The following CLYBL variants were observed in gnomAD, a reference collection of about 807,000 sequenced individuals.
CLYBL encodes citramalyl-CoA lyase, mitochondrial.
CLYBL carries 31 observed loss-of-function variants against 38.9 expected under a neutral mutation model. The observed-to-expected ratio is 0.80, with a 90% CI of 0.60 to 1.08. CLYBL has a LOEUF of 1.08. CLYBL is among the 50% of genes least tolerant of loss of function. CLYBL has a pLI of 0.00. For synonymous variants in CLYBL, 171 were observed against 158.6 expected (o/e 1.08, Z -0.59); for missense variants, 434 against 411.6 (o/e 1.05, Z -0.47).
intron 1 of CLYBL, among the ~76,000 whole-genome samples, chr13:99,617,685 A>G (rs1324250977): frequency 1.3e-5 from 2 of 152,212 alleles, no homozygotes; most frequent in African/African-American, 2.4e-5. Context: ...GGCAAATGAA[A>G]GACACATGGA....
chr13:99,831,534 ATCCCGGAAC>A (rs770944413), intron 2 of CLYBL, among the ~76,000 whole-genome samples: 3 of 152,192 alleles, frequency 2.0e-5, no homozygotes, highest in Non-Finnish European at 4.4e-5. Flanking sequence ...CTGCACATAT[ATCCCGGAAC>A]TTAAAATAAA....
intron 1 of CLYBL, among the ~76,000 whole-genome samples, chr13:99,754,087 CAAAAAAAAAAAA>C (rs71121003): frequency 7.3e-4 from 33 of 45,408 alleles, no homozygotes; most frequent in East Asian, 8.2e-4. Context: ...AACTCGGTCT[CAAAAAAAAAAAA>C]AAAAAAAAAA....
intron 1 of CLYBL, among the ~76,000 whole-genome samples, chr13:99,705,993 A>C (rs1182069974): frequency 6.6e-6 from 1 of 150,996 alleles, no homozygotes; most frequent in East Asian, 2.0e-4. Context: ...GTGCAATGGC[A>C]TGATCTCGGC....
chr13:99,745,519 A>C (rs937435297), intron 1 of CLYBL, among the ~76,000 whole-genome samples: 3 of 152,240 alleles, frequency 2.0e-5, no homozygotes, highest in African/African-American at 7.2e-5. Flanking sequence ...TCTTACCTTA[A>C]ATAGATATTT....
chr13:99,794,186 C>G (rs370014753), intron 2 of CLYBL, among the ~76,000 whole-genome samples: 5 of 152,040 alleles, frequency 3.3e-5, no homozygotes, highest in African/African-American at 1.2e-4. Flanking sequence ...TTTGGGAGGC[C>G]GAGGCAGGCA....
At position 99,808,192 on chromosome 13, in the gene CLYBL, TCTC is replaced by T. The variant is rs1166919477; in HGVS notation, c.249+35185_249+35187del. The stretch of plus-strand genomic sequence containing the variant: ...CGTGGACCGCCTGGGCTCAAGCAAT[TCTC>T]CTGCCTCAGCCTCCTGAGTAGCTGG... On this transcript the variant is annotated intron_variant, in intron 2 of 8. Transcript: ENST00000339105. Among the ~76,000 whole-genome samples, 4 of 152,286 alleles carry T rather than the reference TCTC, an allele frequency of 2.6e-5. No individual in the cohort carries two copies. In the East Asian group the frequency reaches 7.7e-4, roughly 29 times the overall value.
downstream of CLYBL, chr13:99,893,066 G>A (rs2052523577): frequency 6.6e-6 from 1 of 152,296 alleles, no homozygotes. Context: ...CTCCTAAATG[G>A]AGATGGCACA....
chr13:99,764,460 A>G (rs948575537), intron 1 of CLYBL, among the ~76,000 whole-genome samples: 7 of 152,086 alleles, frequency 4.6e-5, no homozygotes, highest in African/African-American at 1.7e-4. Context: ...TTCATGGTTC[A>G]ATCTTGGTAG....
intron 2 of CLYBL, among the ~76,000 whole-genome samples, chr13:99,781,320 A>G (rs370950808): frequency 4.0e-5 from 6 of 151,190 alleles, no homozygotes; most frequent in African/African-American, 7.3e-5. Context: ...ACAGGCGCCC[A>G]CCACCATGCC....
At chr13:99,774,162 G>A (rs1263557735) in intron 2 of CLYBL, among the ~76,000 whole-genome samples, 1 of 152,130 alleles carries the variant, frequency 6.6e-6, no homozygotes, top group African/African-American at 2.4e-5. Context: ...GAGCCCGAGA[G>A]TTTGAGGCTG....
chr13:99,832,290 G>A (rs148101984), intron 2 of CLYBL, among the ~76,000 whole-genome samples: 54 of 152,260 alleles, frequency 3.5e-4, no homozygotes, highest in African/African-American at 1.2e-3. Context: ...TCCATGGTGC[G>A]AGACCACTGG....
At chr13:99,843,868 C>T (rs995219909) in intron 2 of CLYBL, among the ~76,000 whole-genome samples, 5 of 152,188 alleles carry the variant, frequency 3.3e-5, no homozygotes, top group Admixed American at 2.0e-4. Context: ...TCCCAAAGTG[C>T]TGAGATTACA....
At chr13:99,668,109 A>C (rs1364765904) in intron 1 of CLYBL, among the ~76,000 whole-genome samples, 1 of 152,074 alleles carries the variant, frequency 6.6e-6, no homozygotes, top group Non-Finnish European at 1.5e-5. Context: ...CCCTGTCTCT[A>C]CATAAAATAC....
At chr13:99,680,292 G>A (rs2047716457) in intron 1 of CLYBL, among the ~76,000 whole-genome samples, 1 of 152,126 alleles carries the variant, frequency 6.6e-6, no homozygotes. Context: ...CGATGATGCA[G>A]TCCACCCTTC....
intron 2 of CLYBL, among the ~76,000 whole-genome samples, chr13:99,831,513 A>G (rs1173730979): frequency 6.6e-6 from 1 of 152,180 alleles, no homozygotes; most frequent in Non-Finnish European, 1.5e-5. Context: ...ATGTTTACCT[A>G]TGCAACAAAC....
At chr13:99,702,161 T>G (rs2048076411) in intron 1 of CLYBL, among the ~76,000 whole-genome samples, 2 of 152,080 alleles carry the variant, frequency 1.3e-5, no homozygotes. Flanking sequence ...CCAGGTGTAG[T>G]GCAGTGGCAT....
At chr13:99,764,748 G>C (rs2049233808) in intron 1 of CLYBL, among the ~76,000 whole-genome samples, 1 of 151,832 alleles carries the variant, frequency 6.6e-6, no homozygotes, top group Non-Finnish European at 1.5e-5. Flanking sequence ...ATGATCATGG[G>C]TCACTACAAC....
chr13:99,818,485 G>T (rs1043820301), intron 2 of CLYBL, among the ~76,000 whole-genome samples: 1 of 108,240 alleles, frequency 9.2e-6, no homozygotes, highest in African/African-American at 4.7e-5. Flanking sequence ...ACACACACAC[G>T]GACACACACT....
chr13:99,884,397 T>G (rs1316630428), intron 7 of CLYBL, among the ~76,000 whole-genome samples: 1 of 152,096 alleles, frequency 6.6e-6, no homozygotes, highest in Admixed American at 6.5e-5. Flanking sequence ...TGGTCTGTCT[T>G]CCTTCCCTCC....
Sources: allele counts gnomAD v4.1 joint callset (sites outside exome capture counted in the v4.1 genomes callset), GRCh38; gene constraint gnomAD v4.1.1; transcripts MANE v1.5; gene names NCBI Gene and HGNC (gene_info 2026-07-23, HGNC 2026-07-21).